Variants in EIF4G2 observed in about 807,000 individuals in gnomAD.
EIF4G2 encodes DAP-5.
EIF4G2 carries 8 observed loss-of-function variants against 117.7 expected under a neutral mutation model. The observed-to-expected ratio is 0.07, with a 90% CI of 0.04 to 0.12. The LOEUF is 0.12. Ranked by LOEUF, EIF4G2 falls within the 10% of genes least tolerant of loss-of-function variation. The pLI, the probability that EIF4G2 is intolerant of heterozygous loss-of-function variation, is 1.00. For missense variants in EIF4G2, 812 were observed against 1,086.2 expected (o/e 0.75, Z 3.55); for synonymous variants, 413 against 367.8 (o/e 1.12, Z -1.41).
chr11:10,807,778 C>A, intron 1 of EIF4G2: 1 of 991,192 alleles, frequency 1.0e-6, no homozygotes, highest in Non-Finnish European at 1.2e-6. Context: ...GAGGTCTCTC[C>A]GAAAGCTCTT....
At position 10,799,241 on chromosome 11, in the gene EIF4G2, C is replaced by A. The variant is rs377722470; in HGVS notation, c.2508G>T (p.Val836=). The A allele has an allele frequency of 6.2e-7, 1 of 1,614,128 alleles. No homozygotes were observed. Among genetic ancestry groups the A allele is most frequent in the South Asian group, 1.1e-5 (1 of 91,086 alleles). Residue 836 remains valine, a synonymous_variant, in exon 20 of 22, where the codon GTG becomes GTT. Coordinates refer to ENST00000339995, the MANE Select transcript of EIF4G2 (RefSeq NM_001418.4). ...TTGGGAAGTTGCTGTTATAGCAGTG[C>A]ACCTGGAGAGCATACAGGGCACTGA...
rs769726001 is a variant in EIF4G2, at chr11:10,800,580, A to G, written c.1712T>C (p.Met571Thr). The change falls in exon 17 of 22, where the codon ATG becomes ACG. Residue 571 changes from methionine to threonine, a missense_variant. Coordinates refer to ENST00000339995, the MANE Select transcript of EIF4G2 (RefSeq NM_001418.4). ...AGGAAGAAAGTGTTTAGGAGCCCTC[A>G]TTTCTCTTACACCATTGACAGCCTC... 1.8e-5 allele frequency: 29 copies of G among 1,614,012 alleles called. No individual in the cohort carries two copies. Among genetic ancestry groups the G allele is most frequent in the Admixed American group, 6.7e-5 (4 of 60,008 alleles).
chr11:10,802,243 A>G (rs1019426873), intron 12 of EIF4G2, 34 bp from the exon 13 acceptor site: 1 of 1,611,922 alleles, frequency 6.2e-7, no homozygotes, highest in Non-Finnish European at 8.5e-7. Context: ...TCTCAAAACT[A>G]AAGTTAACTG....
At position 10,804,369 on chromosome 11, in the gene EIF4G2, T is replaced by C. The variant is rs1161823956; in HGVS notation, c.401A>G (p.Gln134Arg). Residue 134 changes from glutamine to arginine, a missense_variant, in exon 6 of 22, where the codon CAG (glutamine) becomes CGG (arginine). By Grantham distance (43) the Gln-to-Arg change is conservative. Coordinates refer to ENST00000339995, the MANE Select transcript of EIF4G2 (RefSeq NM_001418.4). ...ATCTTCTGCCAATCGCAGACATAGC[T>C]GAGCATACAGTGAGCTATACTTTGG... 2 of 1,614,026 alleles carry C rather than the reference T, an allele frequency of 1.2e-6. No individual in the cohort carries two copies. The highest frequency in any genetic ancestry group is 1.3e-5 in the African/African-American group (1 of 74,936).
At position 10,799,101 on chromosome 11, in the gene EIF4G2, C is replaced by T; in HGVS notation, c.2549G>A (p.Arg850His). 1 of 1,550,304 alleles carries T rather than the reference C, an allele frequency of 6.5e-7. No homozygotes were observed. The highest frequency in any genetic ancestry group is 8.6e-7 in the Non-Finnish European group (1 of 1,158,636). Residue 850 changes from arginine (R) to histidine (H), a missense_variant, in exon 21 of 22, where the codon CGC becomes CAC. Arg to His is a conservative substitution (Grantham distance 29, BLOSUM62 0). Coordinates refer to ENST00000339995, the MANE Select transcript of EIF4G2 (RefSeq NM_001418.4). ...CATGTCATAGAAGTGCACAAAAAAG[C>T]GAAGTAACATGCCTTAAAAAAAAAA...
intron 1 of EIF4G2, chr11:10,808,420 T>C (rs1244435506): frequency 7.9e-7 from 1 of 1,261,134 alleles, no homozygotes; most frequent in Non-Finnish European, 1.0e-6. Context: ...AGCACAGCCG[T>C]GCCTCGGTCC....
intron 1 of EIF4G2, chr11:10,807,804 G>A (rs1847628290): frequency 9.1e-6 from 9 of 990,534 alleles, no homozygotes; most frequent in Non-Finnish European, 1.1e-5. Context: ...GTTTTCCCCT[G>A]TCCACCCTTT....
At position 10,801,758 on chromosome 11, in the gene EIF4G2, T is replaced by C. The variant is rs1847424036; in HGVS notation, c.1316A>G (p.Tyr439Cys). The change falls in exon 14 of 22, where the codon TAC becomes TGC. Residue 439 changes from tyrosine to cysteine, a missense_variant. Physicochemically the swap from Tyr to Cys is radical, Grantham distance 194. Coordinates refer to ENST00000339995, the MANE Select transcript of EIF4G2 (RefSeq NM_001418.4). ...TAAGAGTCCCTGACTCTGGTTATGG[T>C]AGAGCTGGCTTAGCCCCTATTTCAG... 1.9e-6 allele frequency: 3 copies of C among 1,613,966 alleles called. No individual in the cohort carries two copies. Among genetic ancestry groups the C allele is most frequent in the Admixed American group, 1.7e-5 (1 of 59,982 alleles).
At chr11:10,800,692 A>G (rs1202570563) in intron 16 of EIF4G2, 39 bp downstream of exon 16, 3 of 1,614,036 alleles carry the variant, frequency 1.9e-6, no homozygotes, top group South Asian at 2.2e-5. Context: ...TATCTCAAAT[A>G]CAGGCTAATT....
chr11:10,805,125 A>G (rs1847528133), intron 4 of EIF4G2, 110 bp from the exon 5 acceptor site: 1 of 831,364 alleles, frequency 1.2e-6, no homozygotes. Context: ...CCTTTAAAAA[A>G]TCAAGACATG....
At chr11:10,800,398 G>C in intron 17 of EIF4G2, 34 bp downstream of exon 17, 1 of 1,613,148 alleles carries the variant, frequency 6.2e-7, no homozygotes, top group Non-Finnish European at 8.5e-7. Context: ...TGAGTGGTAA[G>C]AGTTCTTACC....
chr11:10,808,552 TC>T, intron 1 of EIF4G2, 152 bp downstream of exon 1: 1 of 1,118,252 alleles, frequency 8.9e-7, no homozygotes. Flanking sequence ...GCCAAGACTT[TC>T]CAGGTATCTG....
At chr11:10,801,981 A>G in intron 13 of EIF4G2, 68 bp downstream of exon 13, 1 of 1,318,866 alleles carries the variant, frequency 7.6e-7, no homozygotes, top group Non-Finnish European at 1.1e-6. Flanking sequence ...CTTAAGGATA[A>G]ACATTTCAGT....
rs550332568 is a variant in EIF4G2 at position 10,808,891 on chromosome 11, G to T, written c.-273C>A. Reference sequence around the variant, plus strand: ...CTGCTGCAGCCGCCACTCGGTACCCGCTGCCACCTCCATAGAGCTCCGACT... The same window carrying T: ...CTGCTGCAGCCGCCACTCGGTACCCTCTGCCACCTCCATAGAGCTCCGACT... On this transcript the variant is annotated 5_prime_UTR_variant, in exon 1 of 22. Transcript: ENST00000339995. The T allele has an allele frequency of 6.4e-6, 1 of 157,254 alleles. No homozygotes were observed. Among genetic ancestry groups the T allele is most frequent in the African/African-American group, 2.4e-5 (1 of 41,482 alleles). 9.7% of individuals were successfully genotyped at this position (157,254 alleles called of 1,614,324 possible). A position where few individuals can be genotyped will look rare whatever the true frequency, so the allele number is the denominator to read the frequency against.
At chr11:10,802,829 T>C (rs1443932948) in intron 11 of EIF4G2, among the ~76,000 whole-genome samples, 3 of 152,202 alleles carry the variant, frequency 2.0e-5, no homozygotes, top group Admixed American at 6.5e-5. Flanking sequence ...AATGCGCCAC[T>C]GCACTCCAGC....
chr11:10,808,797 C>CA lies in EIF4G2; in HGVS notation c.-180dup, dbSNP rs980741160. 7 of 136,578 alleles carry CA rather than the reference C, an allele frequency of 5.1e-5. No individual in the cohort carries two copies. Among genetic ancestry groups the CA allele is most frequent in the South Asian group, 1.8e-4 (1 of 5,512 alleles). 8.5% of individuals were successfully genotyped at this position (136,578 alleles called of 1,614,324 possible). A position where few individuals can be genotyped will look rare whatever the true frequency, so the allele number is the denominator to read the frequency against. ...AGGGAGGGGAAAGGGGAACGGAAAACAAAAAAAAGGGGGAGGGAAGGGGGA... is the reference window on the plus strand; with the variant it reads ...AGGGAGGGGAAAGGGGAACGGAAAACAAAAAAAAAGGGGGAGGGAAGGGGGA... On this transcript the variant is annotated 5_prime_UTR_variant, in exon 1 of 22. Coordinates refer to ENST00000339995, the MANE Select transcript of EIF4G2 (RefSeq NM_001418.4).
Position 10,806,865 on chromosome 11 carries a change from C to A in EIF4G2, c.62G>T (p.Gly21Val). The change falls in exon 3 of 22, where the codon GGA becomes GTA. Residue 21 changes from glycine to valine, a missense_variant. Around this residue, in one of 4 missense-constraint regions of EIF4G2, gnomAD observed 79 missense variants for 91.5 expected, o/e 0.86. Coordinates refer to ENST00000339995, the MANE Select transcript of EIF4G2 (RefSeq NM_001418.4). ...ATAGTGCTGAGGTGCACCCCTACTT[C>A]CTCCTCCGCCCGAAGAAGCACTATT... 6.2e-7 allele frequency: 1 copy of A among 1,614,152 alleles called. No homozygotes were observed. The highest frequency in any genetic ancestry group is 8.5e-7 in the Non-Finnish European group (1 of 1,180,026).
chr11:10,803,389 T>TA lies in EIF4G2; in HGVS notation c.813+90dup. The TA allele has an allele frequency of 1.3e-6, 2 of 1,554,806 alleles. No individual in the cohort carries two copies. The highest frequency in any genetic ancestry group is 2.3e-5 in the South Asian group (2 of 88,626). On this transcript the variant is annotated intron_variant, in intron 9 of 21. Coordinates refer to ENST00000339995, the MANE Select transcript of EIF4G2 (RefSeq NM_001418.4). This position sits in a 1 kb window ranked among gnomAD's most constrained non-coding sequence, Gnocchi z 4.0. ...CTAAAATTATAACCCAGTTAATGGC[T>TA]AAATATGGCAATCCCTTATGATGTC...
At chr11:10,800,392 TG>T (rs770849530) in intron 17 of EIF4G2, 39 bp downstream of exon 17, 2 of 1,612,546 alleles carry the variant, frequency 1.2e-6, no homozygotes, top group Admixed American at 3.3e-5. Context: ...CGAATTTGAG[TG>T]GTAAGAGTTC....
Sources: gnomAD v4.1 joint callset for allele counts (sites outside exome capture counted in the v4.1 genomes callset) on GRCh38, gnomAD v4.1.1 for gene constraint, gnomAD v4.1.1 regional missense constraint, Gnocchi (gnomAD v3.1) non-coding constraint, MANE v1.5 for transcripts, NCBI Gene and HGNC (gene_info 2026-07-23, HGNC 2026-07-21) for gene names.